The following SUSD4 variants were observed in gnomAD, a reference collection of about 807,000 sequenced individuals.
The protein encoded by SUSD4 is sushi domain containing 4, also known as sushi domain-containing protein 4.
In SUSD4, 41 loss-of-function variants were observed where a neutral mutation model predicts 50.5. The observed-to-expected ratio is 0.81, with a 90% CI of 0.63 to 1.05. The LOEUF (loss-of-function observed/expected upper bound fraction) is 1.05. Among genes scored for constraint, SUSD4 ranks in the 50% least tolerant of loss-of-function variants. SUSD4 has a pLI of 0.00. For synonymous variants in SUSD4, 257 were observed against 257.3 expected (o/e 1.00, Z 0.01); for missense variants, 580 against 634.7 (o/e 0.91, Z 0.93).
intron 6 of SUSD4, among the ~76,000 whole-genome samples, chr1:223,228,990 T>C (rs1349662598): frequency 6.6e-6 from 1 of 151,894 alleles, no homozygotes; most frequent in African/African-American, 2.4e-5. Context: ...AGACAGTTAA[T>C]ACTCTTGACT....
At chr1:223,239,261 G>A (rs1660418010) in intron 5 of SUSD4, among the ~76,000 whole-genome samples, 1 of 151,912 alleles carries the variant, frequency 6.6e-6, no homozygotes, top group Non-Finnish European at 1.5e-5. Flanking sequence ...GTAAAAAACA[G>A]ATAGTTGAAT....
intron 4 of SUSD4, among the ~76,000 whole-genome samples, chr1:223,265,657 C>G (rs1297639782): frequency 2.0e-5 from 3 of 152,218 alleles, no homozygotes; most frequent in Non-Finnish European, 4.4e-5. Context: ...GGATCCCACA[C>G]TCCTTCTGTG....
At position 223,227,799 on chromosome 1, in the gene SUSD4, C is replaced by A; in HGVS notation, c.917-61G>T. Reference sequence around the variant, plus strand: ...CCAGACCATGAGAGGTGCCGAGGTTCCCCGTGGGCTCATTTGCTGGATTCA... The same window carrying A: ...CCAGACCATGAGAGGTGCCGAGGTTACCCGTGGGCTCATTTGCTGGATTCA... On this transcript the variant is annotated intron_variant, in intron 6 of 8. Coordinates refer to ENST00000366878, the MANE Select transcript of SUSD4 (RefSeq NM_017982.4). The surrounding 1 kb of genome is among the most constrained non-coding windows in gnomAD (Gnocchi z 4.5). The A allele has an allele frequency of 6.5e-7, 1 of 1,531,370 alleles. No homozygotes were observed. Among genetic ancestry groups the A allele is most frequent in the Non-Finnish European group, 8.8e-7 (1 of 1,130,560 alleles). 94.9% of individuals were successfully genotyped at this position (1,531,370 alleles called of 1,614,324 possible). A position where few individuals can be genotyped will look rare whatever the true frequency, so the allele number is the denominator to read the frequency against.
chr1:223,223,779 CT>C (rs568983891), intron 7 of SUSD4, 148 bp from the exon 8 acceptor site: 31 of 985,026 alleles, frequency 3.1e-5, no homozygotes, highest in Middle Eastern at 5.8e-4. Context: ...AACCAGCCTC[CT>C]TTCAGGGACT....
At chr1:223,315,168 T>C (rs1316938250) in intron 2 of SUSD4, among the ~76,000 whole-genome samples, 1 of 152,224 alleles carries the variant, frequency 6.6e-6, no homozygotes. Flanking sequence ...AAGCTATGTT[T>C]GGGAGACATT....
chr1:223,278,651 G>A (rs1157729079), intron 3 of SUSD4, among the ~76,000 whole-genome samples: 2 of 152,240 alleles, frequency 1.3e-5, no homozygotes, highest in Non-Finnish European at 2.9e-5. Context: ...GGGCATAGCT[G>A]AACAAAAGGC....
At chr1:223,285,297 C>A (rs760142899) in intron 3 of SUSD4, among the ~76,000 whole-genome samples, 3 of 152,124 alleles carry the variant, frequency 2.0e-5, no homozygotes, top group Non-Finnish European at 4.4e-5. Flanking sequence ...GAGGCTTTGC[C>A]TTCAGTGACT....
chr1:223,295,104 A>G (rs1328305980), intron 2 of SUSD4, among the ~76,000 whole-genome samples: 2 of 152,064 alleles, frequency 1.3e-5, no homozygotes, highest in African/African-American at 4.8e-5. Context: ...AACTGACTGG[A>G]TGTTGGGGTT....
At chr1:223,316,656 C>T (rs956866817) in intron 2 of SUSD4, among the ~76,000 whole-genome samples, 7 of 152,082 alleles carry the variant, frequency 4.6e-5, no homozygotes, top group African/African-American at 1.7e-4. Flanking sequence ...AGAACCATGC[C>T]CAGTGGAGGG....
At chr1:223,327,400 G>A (rs897460842) in intron 2 of SUSD4, among the ~76,000 whole-genome samples, 8 of 152,196 alleles carry the variant, frequency 5.3e-5, no homozygotes, top group African/African-American at 1.9e-4. Context: ...TGACTCAGCT[G>A]ATGGGTACAC....
chr1:223,364,372 G>C (rs934944934), upstream of SUSD4, among the ~76,000 whole-genome samples: 4 of 147,506 alleles, frequency 2.7e-5, no homozygotes, highest in South Asian at 2.1e-4. This position sits in a 1 kb window ranked among gnomAD's most constrained non-coding sequence, Gnocchi z 4.5. Flanking sequence ...GGGTGAGTGG[G>C]GGGGCGGGGA....
chr1:223,346,848 C>G (rs375420102), intron 2 of SUSD4, among the ~76,000 whole-genome samples: 1 of 152,206 alleles, frequency 6.6e-6, no homozygotes, highest in African/African-American at 2.4e-5. Context: ...GTCTCCAAAA[C>G]ATGCCCTTGG....
chr1:223,277,984 T>C (rs369374360), intron 3 of SUSD4, among the ~76,000 whole-genome samples: 1 of 152,274 alleles, frequency 6.6e-6, no homozygotes, highest in African/African-American at 2.4e-5. Flanking sequence ...GCAGATTCCT[T>C]GGCCCCACCC....
chr1:223,298,130 A>G (rs1225389679), intron 2 of SUSD4, among the ~76,000 whole-genome samples: 1 of 151,910 alleles, frequency 6.6e-6, no homozygotes, highest in Non-Finnish European at 1.5e-5. Context: ...GGATGGATGG[A>G]TGAATGGATG....
At chr1:223,341,507 G>A (rs1264722715) in intron 2 of SUSD4, among the ~76,000 whole-genome samples, 3 of 150,186 alleles carry the variant, frequency 2.0e-5, no homozygotes, top group African/African-American at 7.3e-5. Context: ...AAGGCTGAGT[G>A]GGAAGCAGAA....
chr1:223,272,717 G>C (rs748783185), intron 3 of SUSD4, among the ~76,000 whole-genome samples: 10 of 152,074 alleles, frequency 6.6e-5, no homozygotes, highest in African/African-American at 2.2e-4. Flanking sequence ...TAGATTAAAG[G>C]CTCGAACGGT....
At chr1:223,247,429 G>A (rs1011876922) in intron 5 of SUSD4, among the ~76,000 whole-genome samples, 4 of 152,212 alleles carry the variant, frequency 2.6e-5, no homozygotes, top group Non-Finnish European at 5.9e-5. Flanking sequence ...ACTGGGTGGA[G>A]AAGAGGCACT....
intron 4 of SUSD4, among the ~76,000 whole-genome samples, chr1:223,267,901 G>A (rs1310442457): frequency 1.3e-5 from 2 of 151,152 alleles, no homozygotes; most frequent in Non-Finnish European, 2.9e-5. Context: ...TTCACAAACA[G>A]GGCCCTCTAT....
intron 3 of SUSD4, among the ~76,000 whole-genome samples, chr1:223,288,425 T>C (rs991918614): frequency 3.4e-4 from 52 of 152,192 alleles, no homozygotes; most frequent in African/African-American, 1.3e-3. Flanking sequence ...AGTATATTTA[T>C]AGCAGTGTGA....
Sources: allele counts gnomAD v4.1 joint callset (sites outside exome capture counted in the v4.1 genomes callset), GRCh38; gene constraint gnomAD v4.1.1; non-coding constraint Gnocchi (gnomAD v3.1); transcripts MANE v1.5; gene names NCBI Gene and HGNC (gene_info 2026-07-23, HGNC 2026-07-21).